COQ8B: variants seen among roughly 807,000 people sequenced by gnomAD.
The protein encoded by COQ8B is atypical kinase COQ8B, mitochondrial.
COQ8B carries 44 observed loss-of-function variants against 62.0 expected under a neutral mutation model. The observed-to-expected ratio is 0.71, with a 90% CI of 0.56 to 0.91. COQ8B has a LOEUF of 0.91. Ranked by LOEUF, COQ8B falls within the 40% of genes least tolerant of loss-of-function variation. COQ8B has a pLI of 0.00. For synonymous variants in COQ8B, 252 were observed against 289.9 expected, an observed-to-expected ratio of 0.87 and a Z score of 1.33; for missense variants, 649 against 731.6, an observed-to-expected ratio of 0.89 and a Z score of 1.30.
At chr19:40,704,128 A>T in intron 7 of COQ8B, 1 of 353,086 alleles carries the variant, frequency 2.8e-6, no homozygotes. Context: ...TATTATTTAT[A>T]GTTAAGACTC....
intron 9 of COQ8B, 85 bp from the exon 10 acceptor site, chr19:40,702,778 T>TC (rs2082070573): frequency 8.1e-7 from 1 of 1,231,234 alleles, no homozygotes; most frequent in South Asian, 1.2e-5. Context: ...CTCTCCTGTC[T>TC]CCCGCGCTGT....
intron 1 of COQ8B, chr19:40,716,000 C>T (rs1599643329): frequency 6.6e-6 from 1 of 152,424 alleles, no homozygotes; most frequent in Non-Finnish European, 1.5e-5. Context: ...CCGATGCTTC[C>T]CCCACAGAAC....
chr19:40,696,092 C>T, intron 12 of COQ8B, 38 bp from the exon 13 acceptor site: 1 of 1,601,182 alleles, frequency 6.2e-7, no homozygotes, highest in Non-Finnish European at 8.6e-7. Flanking sequence ...GCTGGGATCC[C>T]ATTCACACCC....
chr19:40,716,415 GAT>G (rs1436891133), intron 1 of COQ8B, among the ~76,000 whole-genome samples, 170 bp downstream of exon 1: 1 of 152,224 alleles, frequency 6.6e-6, no homozygotes, highest in African/African-American at 2.4e-5. Flanking sequence ...GATCATGTCA[GAT>G]AGCCCCGTAG....
rs1233381628 is a variant in COQ8B at position 40,714,562 on chromosome 19, C to A, written c.71G>T (p.Cys24Phe). 6.2e-7 allele frequency: 1 copy of A among 1,613,448 alleles called. No individual in the cohort carries two copies. Among genetic ancestry groups the A allele is most frequent in the Admixed American group, 1.7e-5 (1 of 59,786 alleles). ...GTGGGGCCCAGGCCCCAGGGCCCCA[C>A]AAGGCCAACCAACAGTCTGGCCCAG... ...GQLGQTVGWP[C>F]GALGPGPHRW... Residue 24 changes from cysteine to phenylalanine, a missense_variant, in exon 2 of 15, where the codon TGT (cysteine) becomes TTT (phenylalanine). Cys to Phe is a radical substitution (Grantham distance 205). Transcript: ENST00000324464.
At chr19:40,695,641 C>A (rs1266633681) in intron 13 of COQ8B, among the ~76,000 whole-genome samples, 1 of 152,098 alleles carries the variant, frequency 6.6e-6, no homozygotes, top group East Asian at 1.9e-4. Flanking sequence ...TGGTTGGAAG[C>A]TTGGGCTCTG....
intron 12 of COQ8B, among the ~76,000 whole-genome samples, chr19:40,698,180 C>T (rs1313468540): frequency 6.7e-6 from 1 of 149,956 alleles, no homozygotes; most frequent in Non-Finnish European, 1.5e-5. Context: ...CACACCATTG[C>T]ACTCCAGCCT....
At chr19:40,693,800 C>A (rs962982502) in intron 13 of COQ8B, among the ~76,000 whole-genome samples, 1 of 152,160 alleles carries the variant, frequency 6.6e-6, no homozygotes, top group African/African-American at 2.4e-5. Flanking sequence ...TATAATCTAC[C>A]ATTATTAAGA....
intron 9 of COQ8B, 116 bp downstream of exon 9, chr19:40,703,425 C>G (rs948431500): frequency 2.8e-6 from 3 of 1,089,906 alleles, no homozygotes; most frequent in South Asian, 3.3e-5. Flanking sequence ...TCTGACACTC[C>G]CGCTCACAAC....
intron 7 of COQ8B, chr19:40,704,570 G>A (rs1300143969): frequency 6.5e-6 from 1 of 154,510 alleles, no homozygotes; most frequent in African/African-American, 2.4e-5. Context: ...GGCCCAGAGA[G>A]AGGCAGTACC....
intron 5 of COQ8B, among the ~76,000 whole-genome samples, chr19:40,709,213 T>C (rs761337974): frequency 4.2e-4 from 64 of 152,366 alleles, no homozygotes; most frequent in Non-Finnish European, 7.5e-4. Flanking sequence ...ACATCTGCCA[T>C]GCAGTCCATA....
At chr19:40,713,403 C>A (rs1372414222) in intron 4 of COQ8B, among the ~76,000 whole-genome samples, 1 of 152,026 alleles carries the variant, frequency 6.6e-6, no homozygotes, top group Non-Finnish European at 1.5e-5. Context: ...AAAAATTAGC[C>A]GGGTGTGGTG....
chr19:40,697,668 C>T (rs1392482147), intron 12 of COQ8B, among the ~76,000 whole-genome samples: 1 of 150,534 alleles, frequency 6.6e-6, no homozygotes, highest in East Asian at 2.0e-4. Context: ...TGGTGGCGCA[C>T]GCCTGTAGTC....
intron 1 of COQ8B, chr19:40,715,933 C>G (rs978401622): frequency 6.6e-6 from 1 of 152,592 alleles, no homozygotes; most frequent in African/African-American, 2.4e-5. Context: ...TTCTCACAGT[C>G]TGGAATAGAG....
intron 14 of COQ8B, among the ~76,000 whole-genome samples, chr19:40,692,641 C>T (rs1031495623): frequency 2.0e-5 from 3 of 152,102 alleles, no homozygotes; most frequent in African/African-American, 7.2e-5. Context: ...GAGAAGCGGC[C>T]TTCGCCCCTC....
At chr19:40,714,726 C>T (rs1002987322) in intron 1 of COQ8B, 91 bp from the exon 2 acceptor site, 6 of 1,341,626 alleles carry the variant, frequency 4.5e-6, no homozygotes, top group Admixed American at 5.5e-5. Flanking sequence ...CTCTCTCATT[C>T]CCACCCACTA....
chr19:40,700,513 ACCT>A, intron 10 of COQ8B, 62 bp from the exon 11 acceptor site: 1 of 1,567,728 alleles, frequency 6.4e-7, no homozygotes, highest in Non-Finnish European at 8.7e-7. Context: ...CCAGCTTGAG[ACCT>A]CCTCCTTGTG....
rs1057519346 is a variant in COQ8B at position 40,700,388 on chromosome 19, T to TGTC, written c.954_956dup (p.Thr319dup). 2.0e-5 allele frequency: 33 copies of TGTC among 1,614,148 alleles called. No individual in the cohort carries two copies. The highest frequency in any genetic ancestry group is 2.8e-5 in the Non-Finnish European group (33 of 1,180,028). ...CAGCCAGCTCCATGCCCAGCACCCG[T>TGTC]GTCGTGCACAGCTCCTTAACCACGG... On this transcript the variant is annotated inframe_insertion, in exon 11 of 15. Coordinates refer to ENST00000324464, the MANE Select transcript of COQ8B (RefSeq NM_024876.4).
At chr19:40,710,884 C>T (rs1599638040) in intron 4 of COQ8B, among the ~76,000 whole-genome samples, 1 of 152,152 alleles carries the variant, frequency 6.6e-6, no homozygotes, top group Non-Finnish European at 1.5e-5. Context: ...ATGATCCCAG[C>T]ACTTTGGGAG....
Sources: gnomAD v4.1 joint callset for allele counts (sites outside exome capture counted in the v4.1 genomes callset) on GRCh38, gnomAD v4.1.1 for gene constraint, MANE v1.5 for transcripts, NCBI Gene and HGNC (gene_info 2026-07-23, HGNC 2026-07-21) for gene names.